TMEM165: variants seen among roughly 807,000 people sequenced by gnomAD.
The protein encoded by TMEM165 is putative divalent cation/proton antiporter TMEM165.
In TMEM165, 19 loss-of-function variants were observed where a neutral mutation model predicts 30.0. The observed-to-expected ratio is 0.63, with a 90% CI of 0.44 to 0.93. TMEM165 has a LOEUF of 0.93. Among genes scored for constraint, TMEM165 ranks in the 40% least tolerant of loss-of-function variants. The pLI is 0.00. For synonymous variants in TMEM165, 168 were observed against 162.9 expected (o/e 1.03, Z -0.24); for missense variants, 340 against 417.0 (o/e 0.82, Z 1.61).
chr4:55,438,405 T>C (rs781485592), intron 3 of TMEM165: 26 of 1,613,960 alleles, frequency 1.6e-5, no homozygotes, highest in East Asian at 2.2e-5. Flanking sequence ...TCTGTGACTG[T>C]TGCTGTTGTG....
Position 55,396,248 on chromosome 4 carries a change from T to C in TMEM165, c.59T>C (p.Phe20Ser). The change falls in exon 1 of 6, where the codon TTT (phenylalanine) becomes TCT (serine). Residue 20 changes from phenylalanine (F) to serine (S), a missense_variant. Transcript: ENST00000381334. The stretch of plus-strand genomic sequence containing the variant: ...TCGGCGCCCCGGCTGCTTCTGCTCT[T>C]TCTGGTTCCGCTGCTGTGGGCCCCG... ...RASAPRLLLL[F>S]LVPLLWAPAA... 6.6e-7 allele frequency: 1 copy of C among 1,509,196 alleles called. No individual in the cohort carries two copies. Among genetic ancestry groups the C allele is most frequent in the Non-Finnish European group, 8.8e-7 (1 of 1,135,722 alleles). The allele number at this position is 1,509,196 out of a possible 1,614,324, so 93.5% of individuals were successfully genotyped here.
At chr4:55,443,790 T>C in intron 3 of TMEM165, 2 of 1,614,122 alleles carry the variant, frequency 1.2e-6, no homozygotes, top group Non-Finnish European at 1.7e-6. Context: ...AGGAACAACT[T>C]GGCCTTGCAT....
intron 3 of TMEM165, chr4:55,435,651 A>T: frequency 6.4e-7 from 1 of 1,552,556 alleles, no homozygotes; most frequent in Non-Finnish European, 8.9e-7. Flanking sequence ...CACCCACATA[A>T]TAGTTACTCA....
At chr4:55,443,173 T>C (rs1051073342) in intron 3 of TMEM165, among the ~76,000 whole-genome samples, 3 of 152,036 alleles carry the variant, frequency 2.0e-5, no homozygotes, top group East Asian at 1.9e-4. Context: ...TTTAAACAGA[T>C]TGTGACATAT....
At chr4:55,451,199 C>T (rs1190186352) in intron 3 of TMEM165, among the ~76,000 whole-genome samples, 2 of 152,138 alleles carry the variant, frequency 1.3e-5, no homozygotes, top group East Asian at 3.9e-4. Flanking sequence ...TGCTTTCACC[C>T]ACACTGCTAC....
chr4:55,397,982 C>T (rs1720802209), intron 1 of TMEM165, among the ~76,000 whole-genome samples: 1 of 152,160 alleles, frequency 6.6e-6, no homozygotes, highest in South Asian at 2.1e-4. Context: ...GGCTCAAGCG[C>T]TTCTCCGGCC....
In TMEM165 at chr4:55,424,951, A is replaced by G. The variant is rs1176554245; in HGVS notation, c.898+308A>G. 9 of 387,134 alleles carry G rather than the reference A, an allele frequency of 2.3e-5. No individual in the cohort carries two copies. In the East Asian group the frequency reaches 5.3e-4, roughly 23 times the overall value. The allele number at this position is 387,134 out of a possible 1,614,324, so 24.0% of individuals were successfully genotyped here. On this transcript the variant is annotated intron_variant, in intron 5 of 5. Transcript: ENST00000381334. ...TGGCTCTAAAAATGTGTCTTACAAG[A>G]CTGGAATCATGTGGAGACCATATGT...
chr4:55,403,110 C>A, intron 1 of TMEM165: 1 of 478,570 alleles, frequency 2.1e-6, no homozygotes, highest in Non-Finnish European at 3.4e-6. Flanking sequence ...GCTTTTTTGA[C>A]TTAGTAGTGC....
intron 3 of TMEM165, chr4:55,435,452 T>G: frequency 6.2e-7 from 1 of 1,614,036 alleles, no homozygotes; most frequent in Non-Finnish European, 8.5e-7. Flanking sequence ...GGGCAAGCTG[T>G]CAGTCCTGTG....
intron 2 of TMEM165, chr4:55,416,859 C>G: frequency 2.4e-6 from 1 of 408,274 alleles, no homozygotes; most frequent in Non-Finnish European, 4.3e-6. Flanking sequence ...CCATTGGCTT[C>G]TGAGTAAGCT....
At chr4:55,410,791 A>G (rs1483709686) in intron 1 of TMEM165, among the ~76,000 whole-genome samples, 2 of 152,316 alleles carry the variant, frequency 1.3e-5, no homozygotes, top group South Asian at 4.1e-4. Flanking sequence ...ACAAATTTGA[A>G]TGAGATGTAG....
chr4:55,404,175 C>CT (rs1286627404), intron 1 of TMEM165, among the ~76,000 whole-genome samples: 1 of 149,148 alleles, frequency 6.7e-6, no homozygotes, highest in Non-Finnish European at 1.5e-5. Flanking sequence ...CCACGCCTGG[C>CT]TATTTTTTTT....
Position 55,424,553 on chromosome 4 carries a change from G to A in TMEM165, c.808G>A (p.Ala270Thr), listed in dbSNP as rs1196980829. 3 of 1,612,766 alleles carry A rather than the reference G, an allele frequency of 1.9e-6. No homozygotes were observed. In the East Asian group the frequency reaches 6.7e-5, roughly 36 times the overall value. The change falls in exon 5 of 6, where the codon GCC becomes ACC. Residue 270 changes from alanine (A) to threonine (T), a missense_variant. This residue lies in a region of TMEM165 where 220 missense variants were observed against 307.6 expected (regional missense o/e 0.72). Transcript: ENST00000381334. ...LAAREDPYGV[A>T]VGGTVGHCLC... ...TTGCTTCCAGGACCCCTATGGTGTA[G>A]CCGTGGGTGGAACTGTGGGGCACTG...
chr4:55,443,926 G>A, intron 3 of TMEM165: 1 of 1,585,940 alleles, frequency 6.3e-7, no homozygotes, highest in Non-Finnish European at 8.6e-7. Context: ...GTTAAAATGA[G>A]CTTTGTAGAT....
downstream of TMEM165, among the ~76,000 whole-genome samples, chr4:55,427,668 A>T (rs1722286179): frequency 6.6e-6 from 1 of 152,220 alleles, no homozygotes; most frequent in South Asian, 2.1e-4. Flanking sequence ...ACAACAGAAA[A>T]GACAATTCCT....
intron 3 of TMEM165, chr4:55,448,643 T>TGTGTGC (rs1553891283): frequency 2.9e-5 from 17 of 579,554 alleles, no homozygotes; most frequent in African/African-American, 3.8e-5. Flanking sequence ...TGTGTGTGTG[T>TGTGTGC]GCTCCTACCT....
downstream of TMEM165, among the ~76,000 whole-genome samples, chr4:55,427,453 C>A (rs186493753): frequency 6.6e-6 from 1 of 152,242 alleles, no homozygotes; most frequent in Non-Finnish European, 1.5e-5. Flanking sequence ...AGCAGTTCTC[C>A]TGCCTCAGCC....
At chr4:55,418,583 C>T (rs1355479081) in intron 4 of TMEM165, among the ~76,000 whole-genome samples, 1 of 151,588 alleles carries the variant, frequency 6.6e-6, no homozygotes, top group Non-Finnish European at 1.5e-5. Flanking sequence ...TTGACTGTTG[C>T]ACAGACTACT....
At chr4:55,416,836 A>G in intron 2 of TMEM165, 1 of 364,042 alleles carries the variant, frequency 2.7e-6, no homozygotes, top group Non-Finnish European at 4.9e-6. Context: ...AAGATGTGCC[A>G]TCTTCAACTG....
Sources: allele counts gnomAD v4.1 joint callset (sites outside exome capture counted in the v4.1 genomes callset), GRCh38; gene constraint gnomAD v4.1.1; regional missense constraint gnomAD v4.1.1; transcripts MANE v1.5; gene names NCBI Gene and HGNC (gene_info 2026-07-23, HGNC 2026-07-21).